ST3GAL1: variants seen among roughly 807,000 people sequenced by gnomAD.
ST3GAL1 encodes ST3 beta-galactoside alpha-2,3-sialyltransferase 1.
Under a neutral mutation model 34.1 loss-of-function variants are expected in ST3GAL1, and 16 were observed. That is an observed-to-expected ratio of 0.47 (90% CI 0.32 to 0.71). The LOEUF is 0.71. Ranked by LOEUF, ST3GAL1 falls within the 30% of genes least tolerant of loss-of-function variation. The pLI is 0.04. For missense variants in ST3GAL1, 353 were observed against 447.4 expected, an observed-to-expected ratio of 0.79 and a Z score of 1.90; for synonymous variants, 191 against 184.7, an observed-to-expected ratio of 1.03 and a Z score of -0.28.
chr8:133,480,210 C>G (rs1031270560), intron 3 of ST3GAL1, among the ~76,000 whole-genome samples: 1 of 152,236 alleles, frequency 6.6e-6, no homozygotes, highest in Non-Finnish European at 1.5e-5. Flanking sequence ...CACAACAGAG[C>G]TTAGCGGGGT....
At chr8:133,538,447 G>A (rs1453893469) in intron 2 of ST3GAL1, among the ~76,000 whole-genome samples, 10 of 152,250 alleles carry the variant, frequency 6.6e-5, no homozygotes, top group South Asian at 2.1e-4. Flanking sequence ...CCCAGAAGGC[G>A]GAGGTTGCAG....
intron 2 of ST3GAL1, among the ~76,000 whole-genome samples, chr8:133,502,825 T>G (rs908769464): frequency 2.6e-5 from 4 of 152,218 alleles, no homozygotes; most frequent in African/African-American, 9.6e-5. Context: ...AACTGCATTA[T>G]GCAACTATTT....
chr8:133,521,368 C>T (rs543531445), intron 2 of ST3GAL1, among the ~76,000 whole-genome samples: 25 of 151,774 alleles, frequency 1.6e-4, no homozygotes, highest in Non-Finnish European at 2.5e-4. Flanking sequence ...GCGTGATCTC[C>T]GCTCACTGTA....
chr8:133,549,262 C>T (rs1232036153), intron 1 of ST3GAL1, among the ~76,000 whole-genome samples: 1 of 152,016 alleles, frequency 6.6e-6, no homozygotes, highest in Non-Finnish European at 1.5e-5. Flanking sequence ...ATTAGCCAGG[C>T]GTGGTGGCAC....
intron 3 of ST3GAL1, among the ~76,000 whole-genome samples, chr8:133,498,359 G>T (rs933081418): frequency 1.3e-5 from 2 of 152,226 alleles, no homozygotes; most frequent in African/African-American, 4.8e-5. Flanking sequence ...AGAGGTGGGG[G>T]TGTGGTTGTT....
intron 2 of ST3GAL1, among the ~76,000 whole-genome samples, chr8:133,537,362 C>T (rs1198500695): frequency 6.6e-6 from 1 of 152,118 alleles, no homozygotes; most frequent in African/African-American, 2.4e-5. Flanking sequence ...CAGGGTAGGA[C>T]CCTCTCTGGG....
At chr8:133,554,234 C>T (rs547985681) in intron 1 of ST3GAL1, among the ~76,000 whole-genome samples, 7 of 152,290 alleles carry the variant, frequency 4.6e-5, no homozygotes, top group African/African-American at 1.7e-4. Flanking sequence ...CTGCAATCAC[C>T]TGCCCAAAGT....
chr8:133,493,518 C>T (rs1249877133), intron 3 of ST3GAL1, among the ~76,000 whole-genome samples: 1 of 152,062 alleles, frequency 6.6e-6, no homozygotes, highest in Non-Finnish European at 1.5e-5. Context: ...TTCAGATGTA[C>T]AGAATGGGGC....
At chr8:133,481,093 T>C (rs753928425) in intron 3 of ST3GAL1, among the ~76,000 whole-genome samples, 12 of 152,234 alleles carry the variant, frequency 7.9e-5, no homozygotes, top group Non-Finnish European at 1.8e-4. Flanking sequence ...TTGTCTATTT[T>C]CTCGGTTGCT....
rs1324707286 is a variant in ST3GAL1 at position 133,459,229 on chromosome 8, T to G, written c.*535A>C. ...TGTGAAAATCTTTGGGGTAGGAGCCTCTGGTGGCTCATAAATGAGCTTTGG... is the reference window on the plus strand; with the variant it reads ...TGTGAAAATCTTTGGGGTAGGAGCCGCTGGTGGCTCATAAATGAGCTTTGG... On this transcript the variant is annotated 3_prime_UTR_variant, in exon 10 of 10. Transcript: ENST00000522652. This position sits in a 1 kb window ranked among gnomAD's most constrained non-coding sequence, Gnocchi z 4.7. The G allele has an allele frequency of 6.6e-6, 1 of 152,188 alleles. No homozygotes were observed. The highest frequency in any genetic ancestry group is 1.5e-5 in the Non-Finnish European group (1 of 68,090). The allele number at this position is 152,188 out of a possible 1,614,324, so 9.4% of individuals were successfully genotyped here.
chr8:133,491,719 A>T (rs1816791286), intron 3 of ST3GAL1, among the ~76,000 whole-genome samples: 1 of 152,200 alleles, frequency 6.6e-6, no homozygotes, highest in Non-Finnish European at 1.5e-5. Context: ...CGAGGCATGC[A>T]GCACCCTCCA....
chr8:133,549,545 C>A (rs571282045), intron 1 of ST3GAL1, among the ~76,000 whole-genome samples: 5 of 152,190 alleles, frequency 3.3e-5, no homozygotes, highest in Non-Finnish European at 7.4e-5. Context: ...CTTCATGAAG[C>A]AACGCATAAC....
At position 133,475,719 on chromosome 8, in the gene ST3GAL1, C is replaced by A. The variant is rs1269510428; in HGVS notation, c.306G>T (p.Leu102=). ...LLEDDTYRWW[L]RLQREKKPNN... ...ACCCCGCTCTCAGGCAGCATCTCACCAGCCACCATCGGTAGGTGTCGTCCT... is the reference window on the plus strand; with the variant it reads ...ACCCCGCTCTCAGGCAGCATCTCACAAGCCACCATCGGTAGGTGTCGTCCT... The change falls in exon 5 of 10, where the codon CTG becomes CTT. Residue 102 remains leucine (L), a splice_region_variant and synonymous_variant. Coordinates refer to ENST00000522652, the MANE Select transcript of ST3GAL1 (RefSeq NM_173344.3). 1.9e-6 allele frequency: 3 copies of A among 1,587,168 alleles called. No individual in the cohort carries two copies. The highest frequency in any genetic ancestry group is 2.2e-5 in the East Asian group (1 of 44,498).
chr8:133,490,905 C>T (rs9643300), intron 3 of ST3GAL1, among the ~76,000 whole-genome samples: 91,776 of 152,086 alleles, frequency 0.6, 28,288 homozygotes, highest in East Asian at 0.84. Context: ...TTGGGAAGTC[C>T]GTTTCCTTTG....
rs1016209248 is a variant in ST3GAL1 at position 133,459,517 on chromosome 8, G to C, written c.*247C>G. Reference sequence around the variant, plus strand: ...CTTTCCCAGCGTCTCCCCAGCTCTAGGGCAGCAGTGGGGGGACGTTGTCCC... The same window carrying C: ...CTTTCCCAGCGTCTCCCCAGCTCTACGGCAGCAGTGGGGGGACGTTGTCCC... On this transcript the variant is annotated 3_prime_UTR_variant, in exon 10 of 10. Transcript: ENST00000522652. The surrounding 1 kb of genome is among the most constrained non-coding windows in gnomAD (Gnocchi z 4.7). The C allele has an allele frequency of 7.6e-6, 3 of 394,956 alleles. No homozygotes were observed. The highest frequency in any genetic ancestry group is 1.3e-5 in the Non-Finnish European group (3 of 223,122). The allele number at this position is 394,956 out of a possible 1,614,324, so 24.5% of individuals were successfully genotyped here. A position where few individuals can be genotyped will look rare whatever the true frequency, so the allele number is the denominator to read the frequency against.
intron 2 of ST3GAL1, among the ~76,000 whole-genome samples, chr8:133,531,957 C>G (rs1222422951): frequency 1.3e-5 from 2 of 151,826 alleles, no homozygotes; most frequent in African/African-American, 4.8e-5. Flanking sequence ...GAGACGAAGG[C>G]TTCATTTACT....
In ST3GAL1 at chr8:133,540,114, G is replaced by T. The variant is rs544030712; in HGVS notation, c.-429+5660C>A. 3.3e-5 allele frequency among the ~76,000 whole-genome samples: 5 copies of T among 152,132 alleles called. No homozygotes were observed. In the East Asian group the frequency reaches 9.7e-4, roughly 29 times the overall value. On this transcript the variant is annotated intron_variant, in intron 2 of 9. Coordinates refer to ENST00000522652, the MANE Select transcript of ST3GAL1 (RefSeq NM_173344.3). ...CTCTTCATTTCACTCACGCCACTTG[G>T]ATCCATCCTCAAAATCACCCTCTAC...
chr8:133,506,087 G>A (rs995644797), intron 2 of ST3GAL1, among the ~76,000 whole-genome samples: 1 of 152,162 alleles, frequency 6.6e-6, no homozygotes, highest in African/African-American at 2.4e-5. Context: ...AGCAGCTACT[G>A]ACCTGGGCAG....
At chr8:133,543,634 T>G (rs7018169) in intron 2 of ST3GAL1, among the ~76,000 whole-genome samples, 94,516 of 151,950 alleles carry the variant, frequency 0.62, 31,291 homozygotes, top group East Asian at 0.94. Flanking sequence ...AATGCTCTGG[T>G]TTCATGAGAT....
Sources: allele counts gnomAD v4.1 joint callset (sites outside exome capture counted in the v4.1 genomes callset), GRCh38; gene constraint gnomAD v4.1.1; non-coding constraint Gnocchi (gnomAD v3.1); transcripts MANE v1.5; gene names NCBI Gene and HGNC (gene_info 2026-07-23, HGNC 2026-07-21).